COL14A1: variants seen among roughly 807,000 people sequenced by gnomAD.
COL14A1 encodes the protein collagen alpha-1(XIV) chain.
COL14A1 carries 136 observed loss-of-function variants against 230.3 expected under a neutral mutation model. That is an observed-to-expected ratio of 0.59 (90% CI 0.51 to 0.68). COL14A1 has a LOEUF of 0.68. Among genes scored for constraint, COL14A1 ranks in the 30% least tolerant of loss-of-function variants. COL14A1 has a pLI of 0.00. For missense variants in COL14A1, 1,976 were observed against 2,215.8 expected (o/e 0.89, Z 2.17); for synonymous variants, 792 against 784.1 (o/e 1.01, Z -0.17).
chr8:120,233,392 T>C (rs963183064), intron 19 of COL14A1, among the ~76,000 whole-genome samples: 1 of 152,222 alleles, frequency 6.6e-6, no homozygotes, highest in Non-Finnish European at 1.5e-5. Context: ...AGGATTTTTA[T>C]GGTTTTATGT....
At chr8:120,273,322 A>G (rs868764426) in intron 26 of COL14A1, among the ~76,000 whole-genome samples, 1 of 151,856 alleles carries the variant, frequency 6.6e-6, no homozygotes, top group Middle Eastern at 3.2e-3. Flanking sequence ...ATAGCACTCA[A>G]TGCCTACATC....
intron 12 of COL14A1, among the ~76,000 whole-genome samples, chr8:120,210,284 A>G (rs1817581081): frequency 6.6e-6 from 1 of 152,230 alleles, no homozygotes; most frequent in Non-Finnish European, 1.5e-5. Flanking sequence ...CTATATAAAT[A>G]ATGCTTTTGT....
chr8:120,152,652 G>A (rs567413325), intron 2 of COL14A1, among the ~76,000 whole-genome samples: 1 of 152,024 alleles, frequency 6.6e-6, no homozygotes, highest in Non-Finnish European at 1.5e-5. Flanking sequence ...GATTATTCCA[G>A]CATCTTCTTT....
chr8:120,206,542 T>A (rs901593927), intron 9 of COL14A1, among the ~76,000 whole-genome samples: 1 of 152,162 alleles, frequency 6.6e-6, no homozygotes, highest in East Asian at 1.9e-4. Flanking sequence ...AGAGACGGGG[T>A]TTTGCCATGT....
chr8:120,151,523 C>A (rs10101000), intron 2 of COL14A1, among the ~76,000 whole-genome samples: 2 of 151,280 alleles, frequency 1.3e-5, no homozygotes, highest in African/African-American at 4.9e-5. Context: ...GCCTGTAGTC[C>A]CAGCTGCTCA....
At chr8:120,276,647 C>T (rs1317216311) in intron 26 of COL14A1, among the ~76,000 whole-genome samples, 2 of 151,630 alleles carry the variant, frequency 1.3e-5, no homozygotes, top group Non-Finnish European at 2.9e-5. Context: ...TCATCCATGT[C>T]CCTTCAAAGG....
chr8:120,277,138 T>C (rs1819879086), intron 26 of COL14A1, among the ~76,000 whole-genome samples: 1 of 152,158 alleles, frequency 6.6e-6, no homozygotes, highest in Non-Finnish European at 1.5e-5. Flanking sequence ...AAGCTTTGTA[T>C]AGTAGTGGTT....
chr8:120,287,852 A>G (rs1431479132), intron 33 of COL14A1, among the ~76,000 whole-genome samples: 1 of 152,132 alleles, frequency 6.6e-6, no homozygotes, highest in Non-Finnish European at 1.5e-5. Flanking sequence ...ATGAATAAAT[A>G]CTTTATCTTA....
chr8:120,199,285 G>C (rs2130718516), intron 7 of COL14A1, 117 bp from the exon 8 acceptor site: 1 of 844,680 alleles, frequency 1.2e-6, no homozygotes, highest in Non-Finnish European at 1.7e-6. Context: ...ATGAAGATTT[G>C]CATGTAATAA....
chr8:120,302,455 A>G (rs2130036536), intron 36 of COL14A1, among the ~76,000 whole-genome samples: 1 of 152,332 alleles, frequency 6.6e-6, no homozygotes. Flanking sequence ...AATCTTCTGC[A>G]TATGGCTAGC....
chr8:120,147,357 G>A (rs973751846), intron 1 of COL14A1, among the ~76,000 whole-genome samples: 8 of 152,004 alleles, frequency 5.3e-5, no homozygotes, highest in Non-Finnish European at 1.0e-4. Flanking sequence ...AAATTCTCTT[G>A]GATCACCAGT....
intron 32 of COL14A1, 105 bp from the exon 33 acceptor site, chr8:120,285,756 A>G: frequency 4.1e-6 from 3 of 726,236 alleles, no homozygotes; most frequent in Non-Finnish European, 4.6e-6. Context: ...TTCTAAATAC[A>G]GTTTCAAAAC....
intron 38 of COL14A1, 93 bp from the exon 39 acceptor site, chr8:120,315,440 A>T: frequency 1.1e-6 from 1 of 889,058 alleles, no homozygotes. Context: ...AACGCGATTT[A>T]CTGTGGAAAC....
At chr8:120,155,682 C>T (rs771781845) in intron 2 of COL14A1, among the ~76,000 whole-genome samples, 1 of 152,066 alleles carries the variant, frequency 6.6e-6, no homozygotes, top group East Asian at 1.9e-4. Context: ...AAAACTTGGG[C>T]GATGACATTT....
At chr8:120,335,859 G>C (rs1282105964) in intron 42 of COL14A1, among the ~76,000 whole-genome samples, 1 of 152,208 alleles carries the variant, frequency 6.6e-6, no homozygotes, top group African/African-American at 2.4e-5. Flanking sequence ...GCTGCTCACT[G>C]CTGGGGCCAT....
chr8:120,370,501 T>C, intron 47 of COL14A1: 1 of 1,496,018 alleles, frequency 6.7e-7, no homozygotes, highest in Non-Finnish European at 8.9e-7. Context: ...TTCTTCTGCA[T>C]CCCTGCCTTC....
intron 14 of COL14A1, among the ~76,000 whole-genome samples, chr8:120,222,136 G>T (rs1586779820): frequency 6.6e-6 from 1 of 152,192 alleles, no homozygotes; most frequent in African/African-American, 2.4e-5. Context: ...CTTAATTTTT[G>T]GAATCACATT....
chr8:120,199,335 A>G, intron 7 of COL14A1, 67 bp from the exon 8 acceptor site: 1 of 1,403,126 alleles, frequency 7.1e-7, no homozygotes, highest in Non-Finnish European at 9.4e-7. Context: ...TTGTGGTTAT[A>G]TCTTGAAGAA....
intron 1 of COL14A1, among the ~76,000 whole-genome samples, chr8:120,147,599 A>G (rs937958914): frequency 1.3e-5 from 2 of 152,224 alleles, no homozygotes; most frequent in South Asian, 2.1e-4. Flanking sequence ...TCTTCCAAAT[A>G]TTTCAAATCA....
Sources: allele counts gnomAD v4.1 joint callset (sites outside exome capture counted in the v4.1 genomes callset), GRCh38; gene constraint gnomAD v4.1.1; transcripts MANE v1.5; gene names NCBI Gene and HGNC (gene_info 2026-07-23, HGNC 2026-07-21).